Variants in COL24A1 observed in about 807,000 individuals in gnomAD.
COL24A1 encodes the protein collagen type XXIV alpha 1 chain.
A neutral mutation model predicts 253.9 loss-of-function variants in COL24A1; 224 were observed. The ratio of observed to expected loss-of-function variants is 0.88; its 90% confidence interval spans 0.79 to 0.99. The LOEUF (loss-of-function observed/expected upper bound fraction) is 0.99. Among genes scored for constraint, COL24A1 ranks in the 50% least tolerant of loss-of-function variants. The pLI is 0.00. For missense variants in COL24A1, 2,131 were observed against 2,068.5 expected (o/e 1.03, Z -0.59); for synonymous variants, 685 against 673.7 (o/e 1.02, Z -0.26).
At chr1:85,949,095 T>A (rs945324267) in intron 24 of COL24A1, among the ~76,000 whole-genome samples, 2 of 152,152 alleles carry the variant, frequency 1.3e-5, no homozygotes, top group African/African-American at 4.8e-5. Context: ...GGTCTCACAG[T>A]CCTTACTCTT....
At chr1:86,120,773 C>A in intron 3 of COL24A1, among the ~76,000 whole-genome samples, 1 of 152,082 alleles carries the variant, frequency 6.6e-6, no homozygotes. Context: ...ACCATTTGAC[C>A]CAGCCATCCC....
At chr1:85,972,989 A>G (rs1457889598) in intron 20 of COL24A1, among the ~76,000 whole-genome samples, 1 of 152,202 alleles carries the variant, frequency 6.6e-6, no homozygotes, top group Non-Finnish European at 1.5e-5. Context: ...TCATATATTT[A>G]TGTAAGCCTG....
intron 24 of COL24A1, among the ~76,000 whole-genome samples, chr1:85,951,420 G>A (rs1689918915): frequency 6.6e-6 from 1 of 152,142 alleles, no homozygotes; most frequent in South Asian, 2.1e-4. Flanking sequence ...GATGCTTGGT[G>A]GACAATGAGG....
chr1:85,911,019 G>A (rs1303801651), intron 25 of COL24A1, among the ~76,000 whole-genome samples: 4 of 151,744 alleles, frequency 2.6e-5, no homozygotes, highest in Non-Finnish European at 2.9e-5. Flanking sequence ...ACAAGATGGG[G>A]AGAGAGAAAG....
At chr1:86,129,591 T>C (rs1648840713) in intron 2 of COL24A1, among the ~76,000 whole-genome samples, 2 of 151,858 alleles carry the variant, frequency 1.3e-5, no homozygotes, top group African/African-American at 2.4e-5. Flanking sequence ...GATTTTGATA[T>C]GTAGCATTTT....
At chr1:86,116,296 G>C (rs952427915) in intron 3 of COL24A1, among the ~76,000 whole-genome samples, 7 of 152,052 alleles carry the variant, frequency 4.6e-5, no homozygotes, top group Admixed American at 3.9e-4. Context: ...TTTCAAATTA[G>C]ACACATCAGG....
At chr1:85,824,543 C>T (rs1674009332) in intron 43 of COL24A1, among the ~76,000 whole-genome samples, 2 of 152,088 alleles carry the variant, frequency 1.3e-5, no homozygotes, top group Non-Finnish European at 1.5e-5. Context: ...GGTAGATTTA[C>T]TGGGCTGAAG....
At chr1:86,130,936 T>C (rs565525842) in intron 2 of COL24A1, among the ~76,000 whole-genome samples, 115 of 152,166 alleles carry the variant, frequency 7.6e-4, no homozygotes, top group African/African-American at 2.7e-3. Context: ...TTATCCTCTA[T>C]TAGTTTCCTC....
At chr1:85,744,103 A>G (rs1459459767) in intron 57 of COL24A1, among the ~76,000 whole-genome samples, 1 of 151,968 alleles carries the variant, frequency 6.6e-6, no homozygotes, top group East Asian at 1.9e-4. Context: ...CTGATGACTT[A>G]CTCCTCTTGA....
At chr1:85,847,603 G>T in intron 39 of COL24A1, 62 bp downstream of exon 39, 1 of 1,152,414 alleles carries the variant, frequency 8.7e-7, no homozygotes, top group Non-Finnish European at 1.3e-6. Flanking sequence ...AACTTTAAGG[G>T]CATGGATACG....
chr1:85,885,874 T>G (rs1247996347), intron 32 of COL24A1, among the ~76,000 whole-genome samples: 1 of 152,214 alleles, frequency 6.6e-6, no homozygotes, highest in Non-Finnish European at 1.5e-5. Flanking sequence ...GTGATAGTTT[T>G]TGTTATCAGG....
intron 47 of COL24A1, among the ~76,000 whole-genome samples, chr1:85,794,537 TAGAG>T (rs887431079): frequency 1.3e-5 from 2 of 152,182 alleles, no homozygotes; most frequent in African/African-American, 4.8e-5. Context: ...GTTGGTTTCT[TAGAG>T]AGAAATTTGA....
chr1:85,763,110 T>G (rs536781156), intron 53 of COL24A1, among the ~76,000 whole-genome samples: 1 of 152,308 alleles, frequency 6.6e-6, no homozygotes, highest in African/African-American at 2.4e-5. Flanking sequence ...TGATTCACTG[T>G]CTATTCTATA....
intron 47 of COL24A1, among the ~76,000 whole-genome samples, chr1:85,813,689 GA>G (rs1672795420): frequency 6.7e-6 from 1 of 148,510 alleles, no homozygotes; most frequent in Non-Finnish European, 1.5e-5. Context: ...TAGCTGGGAC[GA>G]CAGGCGCCCG....
rs992529301 is a variant in COL24A1 at position 85,934,653 on chromosome 1, A to T, written c.2563-23220T>A. On this transcript the variant is annotated intron_variant, in intron 24 of 59. Coordinates refer to ENST00000370571, the MANE Select transcript of COL24A1 (RefSeq NM_152890.7). ...ATGAACTACTATAGAATAGCAGATA[A>T]AACAGGAATGAGCAATCTATGGCTC... Among the ~76,000 whole-genome samples the T allele has an allele frequency of 1.2e-4, 18 of 152,296 alleles. No individual in the cohort carries two copies. In the South Asian group the frequency reaches 1.7e-3, roughly 14 times the overall value.
chr1:86,094,058 A>T (rs1703714079), intron 5 of COL24A1, among the ~76,000 whole-genome samples: 5 of 152,140 alleles, frequency 3.3e-5, no homozygotes, highest in Admixed American at 2.6e-4. Context: ...AAATCAGTTC[A>T]CCCATTGCGG....
intron 28 of COL24A1, among the ~76,000 whole-genome samples, chr1:85,906,743 CAAT>C (rs929446418): frequency 9.2e-5 from 14 of 152,000 alleles, no homozygotes; most frequent in Non-Finnish European, 1.5e-4. Flanking sequence ...GATTATTAGA[CAAT>C]GATGATTATA....
At chr1:85,755,124 G>A (rs1245058808) in intron 55 of COL24A1, among the ~76,000 whole-genome samples, 1 of 152,080 alleles carries the variant, frequency 6.6e-6, no homozygotes, top group Non-Finnish European at 1.5e-5. Context: ...AACCATAAAG[G>A]TGAGCAGGCA....
At chr1:85,791,165 T>C (rs1670232652) in intron 47 of COL24A1, among the ~76,000 whole-genome samples, 1 of 152,180 alleles carries the variant, frequency 6.6e-6, no homozygotes, top group African/African-American at 2.4e-5. Flanking sequence ...TCTTTCTTTT[T>C]TTCTTCTCTC....
Sources: allele counts gnomAD v4.1 joint callset (sites outside exome capture counted in the v4.1 genomes callset), GRCh38; gene constraint gnomAD v4.1.1; transcripts MANE v1.5; gene names NCBI Gene and HGNC (gene_info 2026-07-23, HGNC 2026-07-21).